SGCZ: variants seen among roughly 807,000 people sequenced by gnomAD.
The protein encoded by SGCZ is zeta-sarcoglycan.
A neutral mutation model predicts 41.3 loss-of-function variants in SGCZ; 40 were observed. That is an observed-to-expected ratio of 0.97 (90% CI 0.75 to 1.26). The LOEUF is 1.26. SGCZ is among the 50% of genes most tolerant of loss of function. The pLI is 0.00. For missense variants in SGCZ, 552 were observed against 369.8 expected (o/e 1.49, Z -4.04); for synonymous variants, 206 against 137.5 (o/e 1.50, Z -3.49).
At chr8:15,133,699 A>G (rs1808001468) in intron 1 of SGCZ, among the ~76,000 whole-genome samples, 1 of 152,218 alleles carries the variant, frequency 6.6e-6, no homozygotes, top group African/African-American at 2.4e-5. Context: ...AACAAAAATG[A>G]CAACAGTAAG....
At chr8:14,719,378 ATG>A (rs563114881) in intron 1 of SGCZ, among the ~76,000 whole-genome samples, 133 of 150,562 alleles carry the variant, frequency 8.8e-4, no homozygotes, top group African/African-American at 3.2e-3. Context: ...CAGTAATGGG[ATG>A]GCTGGGTCAA....
chr8:14,747,733 G>GTA (rs1799380567), intron 1 of SGCZ, among the ~76,000 whole-genome samples: 1 of 148,512 alleles, frequency 6.7e-6, no homozygotes, highest in African/African-American at 2.5e-5. Flanking sequence ...GTGTGTGTGT[G>GTA]AGACTGAGTC....
At chr8:14,837,324 A>G (rs950955518) in intron 1 of SGCZ, among the ~76,000 whole-genome samples, 1 of 152,254 alleles carries the variant, frequency 6.6e-6, no homozygotes, top group South Asian at 2.1e-4. Context: ...AAGGTGTACC[A>G]GGCAAAGGGA....
intron 4 of SGCZ, among the ~76,000 whole-genome samples, chr8:14,192,251 A>G (rs2126811): frequency 0.24 from 36,258 of 151,896 alleles, 5,551 homozygotes; most frequent in Non-Finnish European, 0.34. Context: ...AAATTTTTGC[A>G]TTTGAAATAA....
intron 1 of SGCZ, among the ~76,000 whole-genome samples, chr8:15,219,525 G>C (rs1190579245): frequency 6.6e-6 from 1 of 152,164 alleles, no homozygotes; most frequent in Non-Finnish European, 1.5e-5. Context: ...TTATGTCTAT[G>C]ATGGGAATTT....
chr8:14,427,973 A>G (rs1245215646), intron 2 of SGCZ, among the ~76,000 whole-genome samples: 1 of 152,102 alleles, frequency 6.6e-6, no homozygotes, highest in Non-Finnish European at 1.5e-5. Context: ...TAAAGTATAC[A>G]GGAGGATGTA....
chr8:14,328,466 T>A (rs1174304138), intron 2 of SGCZ, among the ~76,000 whole-genome samples: 1 of 152,146 alleles, frequency 6.6e-6, no homozygotes, highest in East Asian at 1.9e-4. Flanking sequence ...TTATCATCTG[T>A]AAATGGAATG....
intron 1 of SGCZ, among the ~76,000 whole-genome samples, chr8:14,745,827 T>C (rs1799325487): frequency 6.6e-6 from 1 of 152,080 alleles, no homozygotes; most frequent in Non-Finnish European, 1.5e-5. Flanking sequence ...GGGAATTTAG[T>C]ATATTATTTT....
chr8:14,866,501 C>T (rs1803936139), intron 1 of SGCZ, among the ~76,000 whole-genome samples: 1 of 152,048 alleles, frequency 6.6e-6, no homozygotes, highest in Admixed American at 6.6e-5. Flanking sequence ...AATATCAACT[C>T]CAAAATGTGC....
intron 1 of SGCZ, among the ~76,000 whole-genome samples, chr8:14,743,551 G>C (rs368318534): frequency 1.3e-5 from 2 of 151,766 alleles, no homozygotes; most frequent in East Asian, 1.9e-4. Context: ...TGTAGAATGG[G>C]GGAAGAATAA....
chr8:14,403,147 G>A (rs866726926), intron 2 of SGCZ, among the ~76,000 whole-genome samples: 23 of 150,278 alleles, frequency 1.5e-4, no homozygotes, highest in Admixed American at 6.6e-4. Context: ...TTTGTATCCC[G>A]AGACTTTGCT....
chr8:14,261,022 C>T (rs975480783), intron 3 of SGCZ, among the ~76,000 whole-genome samples: 23 of 152,184 alleles, frequency 1.5e-4, no homozygotes, highest in African/African-American at 5.1e-4. Context: ...GGGTGCAGTG[C>T]ACCAGCATGG....
chr8:14,468,665 G>T (rs146970015), intron 2 of SGCZ, among the ~76,000 whole-genome samples: 1 of 151,970 alleles, frequency 6.6e-6, no homozygotes, highest in Non-Finnish European at 1.5e-5. Context: ...CAGATAAACC[G>T]TAGACACTAA....
intron 1 of SGCZ, among the ~76,000 whole-genome samples, chr8:14,783,373 G>A (rs1215209852): frequency 6.6e-6 from 1 of 151,714 alleles, no homozygotes; most frequent in Non-Finnish European, 1.5e-5. Flanking sequence ...GGTGGAAGTT[G>A]CAGTGAGCTG....
chr8:14,634,928 T>C (rs556476127), intron 1 of SGCZ, among the ~76,000 whole-genome samples: 14 of 152,020 alleles, frequency 9.2e-5, no homozygotes, highest in South Asian at 4.1e-4. Context: ...ATAGTAACTA[T>C]TGATAATATT....
At chr8:14,130,717 A>G (rs1803014568) in intron 5 of SGCZ, among the ~76,000 whole-genome samples, 2 of 152,212 alleles carry the variant, frequency 1.3e-5, no homozygotes. Context: ...CTGCAGACAT[A>G]GGTATGCAAG....
intron 1 of SGCZ, among the ~76,000 whole-genome samples, chr8:15,038,643 A>G (rs568885407): frequency 6.6e-6 from 1 of 152,190 alleles, no homozygotes; most frequent in African/African-American, 2.4e-5. Flanking sequence ...TGCACAGCCA[A>G]GTAGACAACG....
chr8:15,059,884 C>A (rs1804852887), intron 1 of SGCZ, among the ~76,000 whole-genome samples: 1 of 152,168 alleles, frequency 6.6e-6, no homozygotes, highest in Non-Finnish European at 1.5e-5. Flanking sequence ...TTTCTTACCA[C>A]TGACCACTTT....
chr8:14,396,553 T>C (rs952954105), intron 2 of SGCZ, among the ~76,000 whole-genome samples: 10 of 152,090 alleles, frequency 6.6e-5, no homozygotes, highest in African/African-American at 2.4e-4. Flanking sequence ...ATGTAAACTT[T>C]CTCTTTACTA....
Sources: gnomAD v4.1 joint callset for allele counts (sites outside exome capture counted in the v4.1 genomes callset) on GRCh38, gnomAD v4.1.1 for gene constraint, MANE v1.5 for transcripts, NCBI Gene and HGNC (gene_info 2026-07-23, HGNC 2026-07-21) for gene names.